The following TTBK2 variants were observed in gnomAD, a reference collection of about 807,000 sequenced individuals.
The protein encoded by TTBK2 is tau tubulin kinase 2.
TTBK2 carries 28 observed loss-of-function variants against 110.8 expected under a neutral mutation model. The ratio of observed to expected loss-of-function variants is 0.25; its 90% CI spans 0.19 to 0.35. TTBK2 has a LOEUF of 0.35. Ranked by LOEUF, TTBK2 falls within the 10% of genes least tolerant of loss-of-function variation. The pLI is 1.00. For missense variants in TTBK2, 1,369 were observed against 1,500.3 expected (o/e 0.91, Z 1.45); for synonymous variants, 532 against 527.3 (o/e 1.01, Z -0.12).
Position 42,825,554 on chromosome 15 carries a change from C to T in TTBK2, c.537+2374G>A, listed in dbSNP as rs185307689. Among the ~76,000 whole-genome samples, 15 of 151,886 alleles carry T rather than the reference C, an allele frequency of 9.9e-5. 1 individual carries two copies. The South Asian group carries it at 1.7e-3, about 17-fold the overall frequency. On this transcript the variant is annotated intron_variant, in intron 6 of 14. Coordinates refer to ENST00000267890, the MANE Select transcript of TTBK2 (RefSeq NM_173500.4). ...GGTGAAACCCCATGTCTACTAAAAA[C>T]GCAAAAAGAAATTAGCTGGGTGTGG...
Position 42,868,829 on chromosome 15 carries a change from A to G in TTBK2, c.217+3782T>C, listed in dbSNP as rs527241805. Among the ~76,000 whole-genome samples the G allele has an allele frequency of 5.9e-5, 9 of 151,958 alleles. No homozygotes were observed. The South Asian group carries it at 1.7e-3, about 28-fold the overall frequency. On this transcript the variant is annotated intron_variant, in intron 3 of 14. Transcript: ENST00000267890. ...TGAGCTGTGTTTGGGCCACTGCACTACAGCCTGGACGACAGAGTGAGACCT... is the reference window on the plus strand; with the variant it reads ...TGAGCTGTGTTTGGGCCACTGCACTGCAGCCTGGACGACAGAGTGAGACCT...
chr15:42,745,517 A>G lies in TTBK2; in HGVS notation c.*278T>C, dbSNP rs1246130086. The G allele has an allele frequency of 1.3e-5, 6 of 455,316 alleles. No individual in the cohort carries two copies. The Admixed American group carries it at 2.1e-4, about 16-fold the overall frequency. 28.2% of individuals were successfully genotyped at this position (455,316 alleles called of 1,614,324 possible). ...TCCTCAACTCTTTTGTTTCAAAGGCAGCTTAAAAAATGAGAGCTCATTTTA... is the reference window on the plus strand; with the variant it reads ...TCCTCAACTCTTTTGTTTCAAAGGCGGCTTAAAAAATGAGAGCTCATTTTA... On this transcript the variant is annotated 3_prime_UTR_variant, in exon 15 of 15. Coordinates refer to ENST00000267890, the MANE Select transcript of TTBK2 (RefSeq NM_173500.4).
At chr15:42,915,851 G>A (rs191953498) in intron 1 of TTBK2, among the ~76,000 whole-genome samples, 1 of 152,092 alleles carries the variant, frequency 6.6e-6, no homozygotes, top group Non-Finnish European at 1.5e-5. Flanking sequence ...GGAGGCTAAG[G>A]GGGGAGGACT....
intron 13 of TTBK2, among the ~76,000 whole-genome samples, chr15:42,769,622 A>G (rs1432227273): frequency 1.3e-5 from 2 of 152,200 alleles, no homozygotes; most frequent in Non-Finnish European, 2.9e-5. Flanking sequence ...GGTGCTGGAG[A>G]GGATGTGGAG....
Position 42,867,249 on chromosome 15 carries a change from A to T in TTBK2, c.217+5362T>A, listed in dbSNP as rs538282660. 7.7e-4 allele frequency among the ~76,000 whole-genome samples: 115 copies of T among 148,542 alleles called. 1 individual carries two copies. Among genetic ancestry groups the T allele is most frequent in the Middle Eastern group, 3.5e-3 (1 of 284 alleles). ...TGACAGAGGGAGACTCCGTCTCAAA[A>T]AAAAAAAAAAAGAAAAGAAAAGAAA... On this transcript the variant is annotated intron_variant, in intron 3 of 14. Coordinates refer to ENST00000267890, the MANE Select transcript of TTBK2 (RefSeq NM_173500.4).
intron 3 of TTBK2, among the ~76,000 whole-genome samples, chr15:42,870,653 G>A (rs1310889499): frequency 6.6e-6 from 1 of 151,856 alleles, no homozygotes; most frequent in African/African-American, 2.4e-5. Flanking sequence ...ATGAGGTCAA[G>A]AGATCGAGAC....
At chr15:42,830,291 G>A (rs1892697364) in intron 4 of TTBK2, among the ~76,000 whole-genome samples, 1 of 151,760 alleles carries the variant, frequency 6.6e-6, no homozygotes, top group Non-Finnish European at 1.5e-5. Flanking sequence ...GGGTTCAAGC[G>A]ATTCTCCTGC....
intron 13 of TTBK2, among the ~76,000 whole-genome samples, chr15:42,764,948 T>C (rs1329435048): frequency 6.6e-6 from 1 of 152,208 alleles, no homozygotes; most frequent in Admixed American, 6.5e-5. Flanking sequence ...TTCTGCAATA[T>C]TTGCTGTTCT....
chr15:42,744,497 TAA>T lies in TTBK2; in HGVS notation c.*1296_*1297del, dbSNP rs1231755841. On this transcript the variant is annotated 3_prime_UTR_variant, in exon 15 of 15. Transcript: ENST00000267890. ...TACAACACAAAACACCTAGAGAGTA[TAA>T]AAACAGCCCATTTTAAAAGTCTGGT... The T allele has an allele frequency of 6.6e-6, 1 of 152,176 alleles. No homozygotes were observed. The highest frequency in any genetic ancestry group is 1.9e-4 in the East Asian group (1 of 5,198). 9.4% of individuals were successfully genotyped at this position (152,176 alleles called of 1,614,324 possible). A position where few individuals can be genotyped will look rare whatever the true frequency, so the allele number is the denominator to read the frequency against.
At chr15:42,760,401 AAAC>A (rs2062009808) in intron 13 of TTBK2, among the ~76,000 whole-genome samples, 1 of 146,880 alleles carries the variant, frequency 6.8e-6, no homozygotes, top group African/African-American at 2.7e-5. Context: ...AAAAAAAAAA[AAAC>A]AAAAAAAGAA....
intron 1 of TTBK2, 23 bp from the exon 2 acceptor site, chr15:42,878,707 T>C (rs1054524757): frequency 5.6e-6 from 9 of 1,606,240 alleles, no homozygotes; most frequent in Non-Finnish European, 6.8e-6. Flanking sequence ...CAACAAAAAA[T>C]AGTAGCAGTA....
intron 3 of TTBK2, among the ~76,000 whole-genome samples, chr15:42,864,642 C>T (rs529994998): frequency 6.6e-6 from 1 of 152,008 alleles, no homozygotes; most frequent in South Asian, 2.1e-4. Context: ...ATTCTGTACC[C>T]CCCAAAATTA....
intron 13 of TTBK2, 116 bp from the exon 14 acceptor site, chr15:42,753,363 A>T (rs1429462201): frequency 1.1e-5 from 12 of 1,064,716 alleles, no homozygotes; most frequent in Non-Finnish European, 1.6e-5. Context: ...GATGTTGACC[A>T]GGTCTGCCCA....
intron 10 of TTBK2, among the ~76,000 whole-genome samples, chr15:42,786,709 C>G (rs1890428222): frequency 6.6e-6 from 1 of 152,302 alleles, no homozygotes; most frequent in South Asian, 2.1e-4. Flanking sequence ...AGGACCTCGT[C>G]CATCTTCTCC....
In TTBK2 at chr15:42,801,541, C is replaced by T. The variant is rs572200949; in HGVS notation, c.823-6740G>A. 7.4e-5 allele frequency: 57 copies of T among 765,250 alleles called. 1 individual carries two copies. In the Middle Eastern group the frequency reaches 6.2e-3, roughly 83 times the overall value. The allele number at this position is 765,250 out of a possible 1,614,324, so 47.4% of individuals were successfully genotyped here. A position where few individuals can be genotyped will look rare whatever the true frequency, so the allele number is the denominator to read the frequency against. ...GGTCATCCCCATGCTTCTGACCCAG[C>T]GTCTGCAGCTCCTTATACTTGATCT... On this transcript the variant is annotated intron_variant, in intron 9 of 14. Transcript: ENST00000267890.
At position 42,743,541 on chromosome 15, in the gene TTBK2, C is replaced by T. The variant is rs768166022; in HGVS notation, c.*2254G>A. 1 of 151,948 alleles carries T rather than the reference C, an allele frequency of 6.6e-6. No homozygotes were observed. The highest frequency in any genetic ancestry group is 1.5e-5 in the Non-Finnish European group (1 of 67,972). The allele number at this position is 151,948 out of a possible 1,614,324, so 9.4% of individuals were successfully genotyped here. ...CAATTTCTTCATTATTCCCCCGACCCCCTGCAAAAAAAGTGAGATGAAAAG... is the reference window on the plus strand; with the variant it reads ...CAATTTCTTCATTATTCCCCCGACCTCCTGCAAAAAAAGTGAGATGAAAAG... On this transcript the variant is annotated 3_prime_UTR_variant, in exon 15 of 15. Transcript: ENST00000267890.
At chr15:42,895,791 C>G (rs1895645625) in intron 1 of TTBK2, among the ~76,000 whole-genome samples, 1 of 152,008 alleles carries the variant, frequency 6.6e-6, no homozygotes, top group Non-Finnish European at 1.5e-5. Flanking sequence ...CCCACCTCAG[C>G]CTCCGAAAGT....
chr15:42,836,553 A>C (rs1892992267), intron 4 of TTBK2, among the ~76,000 whole-genome samples: 1 of 152,214 alleles, frequency 6.6e-6, no homozygotes, highest in Non-Finnish European at 1.5e-5. Context: ...TCAAATGGAA[A>C]AGTTCTTAGA....
intron 6 of TTBK2, among the ~76,000 whole-genome samples, chr15:42,825,886 G>C (rs1407288631): frequency 6.6e-6 from 1 of 152,036 alleles, no homozygotes; most frequent in Non-Finnish European, 1.5e-5. Context: ...GGAAGAAAAA[G>C]GGATATGATC....
Sources: gnomAD v4.1 joint callset for allele counts (sites outside exome capture counted in the v4.1 genomes callset) on GRCh38, gnomAD v4.1.1 for gene constraint, MANE v1.5 for transcripts, NCBI Gene and HGNC (gene_info 2026-07-23, HGNC 2026-07-21) for gene names.